BCL3: variants seen among roughly 807,000 people sequenced by gnomAD.
BCL3 encodes BCL3 transcription coactivator.
BCL3 carries 15 observed loss-of-function variants against 35.7 expected under a neutral mutation model. The observed-to-expected ratio is 0.42, with a 90% CI of 0.28 to 0.65. BCL3 has a LOEUF of 0.65. Ranked by LOEUF, BCL3 falls within the 30% of genes least tolerant of loss-of-function variation. The pLI is 0.22. For synonymous variants in BCL3, 311 were observed against 284.3 expected (o/e 1.09, Z -0.95); for missense variants, 565 against 641.7 (o/e 0.88, Z 1.29).
chr19:44,752,867 A>T (rs568630084), intron 2 of BCL3, among the ~76,000 whole-genome samples: 2 of 152,188 alleles, frequency 1.3e-5, no homozygotes, highest in South Asian at 4.1e-4. Context: ...CATGATTTAT[A>T]CAAAGCACTT....
chr19:44,753,760 C>T (rs539521613), intron 2 of BCL3, among the ~76,000 whole-genome samples: 3 of 129,810 alleles, frequency 2.3e-5, no homozygotes, highest in East Asian at 4.7e-4. Context: ...AGCCTTGGGG[C>T]ATTTGGACCC....
Position 44,759,516 on chromosome 19 carries a change from C to A in BCL3, c.1266C>A (p.Phe422Leu). 6.2e-7 allele frequency: 1 copy of A among 1,613,372 alleles called. No individual in the cohort carries two copies. The highest frequency in any genetic ancestry group is 8.5e-7 in the Non-Finnish European group (1 of 1,179,684). ...PGFPMAPPNF[F>L]LPSPSPPAFL... ...TCCCCATGGCTCCTCCCAATTTCTT[C>A]CTTCCTTCCCCATCTCCACCCGCCT... Residue 422 changes from phenylalanine (F) to leucine (L), a missense_variant, in exon 9 of 9, where the codon TTC (phenylalanine) becomes TTA (leucine). By Grantham distance (22) the Phe-to-Leu change is conservative. Coordinates refer to ENST00000164227, the MANE Select transcript of BCL3 (RefSeq NM_005178.5).
At chr19:44,753,644 G>A (rs896092676) in intron 2 of BCL3, among the ~76,000 whole-genome samples, 1 of 152,144 alleles carries the variant, frequency 6.6e-6, no homozygotes, top group African/African-American at 2.4e-5. Flanking sequence ...TCACACCCGC[G>A]GGGGAGGGCA....
chr19:44,752,556 G>A (rs1967201643), intron 2 of BCL3, among the ~76,000 whole-genome samples: 2 of 151,796 alleles, frequency 1.3e-5, no homozygotes, highest in Non-Finnish European at 2.9e-5. Flanking sequence ...ATTGTTTCAT[G>A]GTCACAGCCC....
chr19:44,754,755 T>C (rs1222879412), intron 2 of BCL3, among the ~76,000 whole-genome samples: 3 of 152,264 alleles, frequency 2.0e-5, no homozygotes, highest in East Asian at 3.8e-4. Flanking sequence ...ATTTTTAAAT[T>C]TGGCTTTCAC....
At chr19:44,750,385 G>A (rs565215008) in intron 1 of BCL3, among the ~76,000 whole-genome samples, 2 of 152,034 alleles carry the variant, frequency 1.3e-5, no homozygotes, top group East Asian at 3.9e-4. Context: ...TGCAACCTCC[G>A]CCTCCCAAGT....
chr19:44,756,288 A>G lies in BCL3; in HGVS notation c.467A>G (p.Asn156Ser). 3.9e-6 allele frequency: 6 copies of G among 1,553,184 alleles called. No individual in the cohort carries two copies. The highest frequency in any genetic ancestry group is 2.4e-5 in the South Asian group (2 of 83,612). The change falls in exon 3 of 9, where the codon AAC (asparagine) becomes AGC (serine). Residue 156 changes from asparagine (N) to serine (S), a missense_variant. Asn to Ser is a conservative substitution (Grantham distance 46). This residue lies in a region of BCL3 where 267 missense variants were observed against 281.5 expected (regional missense o/e 0.95). Transcript: ENST00000164227. Reference protein sequence around the residue: ...GNLPAVHRLVNLFQQGGRELD... With the variant: ...GNLPAVHRLVSLFQQGGRELD... ...CTGCCAGCTGTGCACCGGCTGGTCAACCTCTTCCAGCAGGGGGGCCGGGAG... is the reference window on the plus strand; with the variant it reads ...CTGCCAGCTGTGCACCGGCTGGTCAGCCTCTTCCAGCAGGGGGGCCGGGAG...
intron 1 of BCL3, among the ~76,000 whole-genome samples, chr19:44,750,161 G>A (rs1353177463): frequency 6.6e-6 from 1 of 152,192 alleles, no homozygotes; most frequent in Non-Finnish European, 1.5e-5. Flanking sequence ...CTCAAGCTAT[G>A]TGCATCAGGA....
At chr19:44,747,716 C>T, upstream of BCL3, 2 of 677,792 alleles carry the variant, frequency 3.0e-6, no homozygotes, top group Non-Finnish European at 3.8e-6. Context: ...AACTGCTCCC[C>T]GCTCCTGCAG....
At chr19:44,750,118 C>T (rs896496503) in intron 1 of BCL3, among the ~76,000 whole-genome samples, 21 of 152,190 alleles carry the variant, frequency 1.4e-4, no homozygotes, top group African/African-American at 4.1e-4. Context: ...AGTTTCTGCA[C>T]CCTCCACCCC....
At chr19:44,756,367 C>T in intron 3 of BCL3, 27 bp downstream of exon 3, 1 of 1,422,714 alleles carries the variant, frequency 7.0e-7, no homozygotes, top group Non-Finnish European at 9.3e-7. Context: ...GGGAGGAGGG[C>T]TGGGGCCTGG....
intron 2 of BCL3, chr19:44,755,174 G>A (rs1482857419): frequency 6.6e-6 from 1 of 152,434 alleles, no homozygotes; most frequent in African/African-American, 2.4e-5. Context: ...TCTCTGAATA[G>A]CTGTTCTAGG....
chr19:44,759,315 C>G (rs1414593993), intron 8 of BCL3, 113 bp from the exon 9 acceptor site: 7 of 751,628 alleles, frequency 9.3e-6, no homozygotes, highest in South Asian at 6.9e-5. Flanking sequence ...TCCCTCAGAC[C>G]CGAGTCCAGA....
intron 2 of BCL3, among the ~76,000 whole-genome samples, chr19:44,755,640 G>A (rs898967709): frequency 6.6e-6 from 1 of 152,152 alleles, no homozygotes; most frequent in Non-Finnish European, 1.5e-5. Context: ...GACTGGGCGT[G>A]GTGGCTCACG....
At position 44,758,770 on chromosome 19, in the gene BCL3, C is replaced by G; in HGVS notation, c.1106C>G (p.Ser369Cys). Residue 369 changes from serine (S) to cysteine (C), a missense_variant, in exon 8 of 9, where the codon TCC becomes TGC. This residue lies in a region of BCL3 where 151 missense variants were observed against 138.1 expected (regional missense o/e 1.09). Coordinates refer to ENST00000164227, the MANE Select transcript of BCL3 (RefSeq NM_005178.5). ...RGKATRPAST[S>C]QPDPSPDRSA... ...AAGGCCACCCGGCCTGCTTCCACCT[C>G]CCAGCCAGACCCCTCCCCTGACCGG... 1.2e-6 allele frequency: 2 copies of G among 1,608,312 alleles called. No individual in the cohort carries two copies. Among genetic ancestry groups the G allele is most frequent in the Non-Finnish European group, 1.7e-6 (2 of 1,178,152 alleles).
chr19:44,756,092 G>A, intron 2 of BCL3, 140 bp from the exon 3 acceptor site: 1 of 505,388 alleles, frequency 2.0e-6, no homozygotes, highest in East Asian at 3.6e-5. Flanking sequence ...CAGGATGGAG[G>A]GAGTGGGTGG....
upstream of BCL3, chr19:44,748,008 G>A (rs865897507): frequency 6.0e-6 from 8 of 1,344,012 alleles, no homozygotes; most frequent in Middle Eastern, 1.4e-3. Context: ...AGAGGGGAGG[G>A]AGAGGAATCG....
At position 44,759,761 on chromosome 19, in the gene BCL3, C is replaced by A. The variant is rs991769429; in HGVS notation, c.*146C>A. 9.6e-5 allele frequency: 55 copies of A among 571,116 alleles called. No homozygotes were observed. The highest frequency in any genetic ancestry group is 1.5e-4 in the Non-Finnish European group (48 of 325,478). 35.4% of individuals were successfully genotyped at this position (571,116 alleles called of 1,614,324 possible). A position where few individuals can be genotyped will look rare whatever the true frequency, so the allele number is the denominator to read the frequency against. On this transcript the variant is annotated 3_prime_UTR_variant, in exon 9 of 9. Transcript: ENST00000164227. ...TTTGCACAGAAGCACATGCACCTAC[C>A]CATACACCCCCTCTTCTGAGCACAG...
chr19:44,756,551 TC>T (rs1967288938), intron 3 of BCL3, among the ~76,000 whole-genome samples: 16 of 72,452 alleles, frequency 2.2e-4, no homozygotes, highest in African/African-American at 1.5e-3. Context: ...GAGGGCTGGG[TC>T]CTGGGCTCCT....
Sources: allele counts gnomAD v4.1 joint callset (sites outside exome capture counted in the v4.1 genomes callset), GRCh38; gene constraint gnomAD v4.1.1; regional missense constraint gnomAD v4.1.1; transcripts MANE v1.5; gene names NCBI Gene and HGNC (gene_info 2026-07-23, HGNC 2026-07-21).